ADGRL3: variants seen among roughly 807,000 people sequenced by gnomAD.
The protein encoded by ADGRL3 is adhesion G protein-coupled receptor L3.
Under a neutral mutation model 153.5 loss-of-function variants are expected in ADGRL3, and 62 were observed. The ratio of observed to expected loss-of-function variants is 0.40; its 90% CI spans 0.33 to 0.50. The LOEUF is 0.50. Among genes scored for constraint, ADGRL3 ranks in the 20% least tolerant of loss-of-function variants. ADGRL3 has a pLI of 0.47. For synonymous variants in ADGRL3, 710 were observed against 672.5 expected, an observed-to-expected ratio of 1.06 and a Z score of -0.86; for missense variants, 1,641 against 1,859.4, an observed-to-expected ratio of 0.88 and a Z score of 2.16.
intron 4 of ADGRL3, among the ~76,000 whole-genome samples, chr4:61,553,435 A>G (rs1428737455): frequency 1.3e-5 from 2 of 152,216 alleles, no homozygotes; most frequent in African/African-American, 4.8e-5. Flanking sequence ...ATAAAATAAT[A>G]CAACTATTAA....
At chr4:62,044,166 T>A (rs1729844953) in intron 24 of ADGRL3, among the ~76,000 whole-genome samples, 2 of 152,046 alleles carry the variant, frequency 1.3e-5, no homozygotes, top group South Asian at 4.1e-4. Flanking sequence ...TCTGTATATA[T>A]TCAACATATT....
chr4:61,815,302 TA>T (rs1192761535), intron 9 of ADGRL3, among the ~76,000 whole-genome samples: 1 of 152,186 alleles, frequency 6.6e-6, no homozygotes, highest in Non-Finnish European at 1.5e-5. Context: ...TTATCCTGGA[TA>T]AAAACATGAA....
intron 8 of ADGRL3, among the ~76,000 whole-genome samples, chr4:61,776,248 G>A (rs185154433): frequency 1.8e-4 from 27 of 152,232 alleles, no homozygotes; most frequent in Admixed American, 1.6e-3. Context: ...TGCACGACTC[G>A]GCGGCAGCAG....
At position 62,075,632 on chromosome 4, in the gene ADGRL3, T is replaced by C. The variant is rs1384986880; in HGVS notation, c.*4724T>C. 2 of 152,282 alleles carry C rather than the reference T, an allele frequency of 1.3e-5. No individual in the cohort carries two copies. The highest frequency in any genetic ancestry group is 6.5e-5 in the Admixed American group (1 of 15,274). The allele number at this position is 152,282 out of a possible 1,614,324, so 9.4% of individuals were successfully genotyped here. ...ACCACATAAACAATTACTATGCATT[T>C]CTAAGTAACGTTTTCAATATAGCTT... On this transcript the variant is annotated 3_prime_UTR_variant, in exon 27 of 27. Transcript: ENST00000683033.
chr4:61,972,001 GTTGT>G (rs1320053316), intron 17 of ADGRL3, among the ~76,000 whole-genome samples: 2 of 151,898 alleles, frequency 1.3e-5, no homozygotes, highest in Non-Finnish European at 2.9e-5. Context: ...TTTTGATGGG[GTTGT>G]TTGTTTTTTT....
chr4:61,215,698 C>G lies in ADGRL3; in HGVS notation c.-240+13933C>G, dbSNP rs867321158. The stretch of plus-strand genomic sequence containing the variant: ...TCCTGAGTAGCTGGGACTGCAGGCG[C>G]CCGCCACCACGCCCGGTTTATTTTT... On this transcript the variant is annotated intron_variant, in intron 1 of 26. Transcript: ENST00000683033. Among the ~76,000 whole-genome samples the G allele has an allele frequency of 5.3e-5, 8 of 151,662 alleles. No homozygotes were observed. In the South Asian group the frequency reaches 1.0e-3, roughly 20 times the overall value.
At chr4:61,889,855 A>G (rs542605807) in intron 9 of ADGRL3, among the ~76,000 whole-genome samples, 1 of 152,326 alleles carries the variant, frequency 6.6e-6, no homozygotes, top group South Asian at 2.1e-4. Context: ...GTAGTTTGTC[A>G]TAGTGAAAAT....
intron 24 of ADGRL3, among the ~76,000 whole-genome samples, chr4:62,040,187 C>G (rs567469957): frequency 6.6e-6 from 1 of 151,936 alleles, no homozygotes; most frequent in Non-Finnish European, 1.5e-5. Flanking sequence ...GTAATATACA[C>G]AAAACAGAAT....
intron 4 of ADGRL3, among the ~76,000 whole-genome samples, chr4:61,577,798 G>A (rs998329955): frequency 9.4e-5 from 14 of 149,594 alleles, no homozygotes; most frequent in African/African-American, 3.2e-4. Flanking sequence ...AGGTGACAGA[G>A]TGGGAGCTTG....
At chr4:61,891,789 C>T (rs2098588520) in intron 9 of ADGRL3, among the ~76,000 whole-genome samples, 1 of 152,056 alleles carries the variant, frequency 6.6e-6, no homozygotes, top group Non-Finnish European at 1.5e-5. Flanking sequence ...AGTCTGTGTA[C>T]AGGAAGGACA....
chr4:61,416,006 T>G (rs2097140843), intron 2 of ADGRL3, among the ~76,000 whole-genome samples: 1 of 152,118 alleles, frequency 6.6e-6, no homozygotes, highest in Non-Finnish European at 1.5e-5. Context: ...ATCTGTCTCT[T>G]CTATGGTTTA....
intron 5 of ADGRL3, among the ~76,000 whole-genome samples, chr4:61,657,736 T>G (rs551563208): frequency 2.6e-4 from 39 of 152,244 alleles, no homozygotes; most frequent in Middle Eastern, 3.4e-3. Context: ...ACATTCAAAT[T>G]TTATAAATGT....
chr4:61,229,498 C>A (rs1749585687), intron 1 of ADGRL3, among the ~76,000 whole-genome samples: 1 of 149,326 alleles, frequency 6.7e-6, no homozygotes, highest in Non-Finnish European at 1.5e-5. Flanking sequence ...ATACATCATA[C>A]CCTTCAGAGG....
chr4:62,017,093 T>C (rs762556552), intron 21 of ADGRL3, among the ~76,000 whole-genome samples: 2 of 152,092 alleles, frequency 1.3e-5, no homozygotes, highest in African/African-American at 2.4e-5. Context: ...TTCTCTGCAC[T>C]CATTTGTGTT....
intron 4 of ADGRL3, among the ~76,000 whole-genome samples, chr4:61,561,083 A>G (rs1158020860): frequency 6.6e-6 from 1 of 152,174 alleles, no homozygotes; most frequent in Non-Finnish European, 1.5e-5. Flanking sequence ...ATCAGTAGTT[A>G]CACTGCAAAA....
At chr4:61,594,739 C>T (rs1416316278) in intron 5 of ADGRL3, among the ~76,000 whole-genome samples, 1 of 152,140 alleles carries the variant, frequency 6.6e-6, no homozygotes, top group African/African-American at 2.4e-5. Flanking sequence ...GGGACTTGCT[C>T]AAGGCCATTC....
intron 1 of ADGRL3, among the ~76,000 whole-genome samples, chr4:61,208,590 AG>A (rs1279437418): frequency 6.6e-6 from 1 of 152,168 alleles, no homozygotes; most frequent in Non-Finnish European, 1.5e-5. Flanking sequence ...TTCATATAAA[AG>A]ATAATCGACT....
chr4:61,990,198 T>G (rs1197342742), intron 19 of ADGRL3, among the ~76,000 whole-genome samples: 3 of 152,126 alleles, frequency 2.0e-5, no homozygotes, highest in Non-Finnish European at 4.4e-5. Flanking sequence ...TGGAGTATTT[T>G]TTGGCAATAA....
chr4:61,315,423 C>T (rs1056036635), intron 1 of ADGRL3, among the ~76,000 whole-genome samples: 1 of 152,118 alleles, frequency 6.6e-6, no homozygotes, highest in Non-Finnish European at 1.5e-5. Context: ...CTAACCTAGA[C>T]TAGCCATAAA....
Sources: gnomAD v4.1 joint callset for allele counts (sites outside exome capture counted in the v4.1 genomes callset) on GRCh38, gnomAD v4.1.1 for gene constraint, MANE v1.5 for transcripts, NCBI Gene and HGNC (gene_info 2026-07-23, HGNC 2026-07-21) for gene names.